Variants in ZNF600 observed in about 807,000 individuals in gnomAD.
ZNF600 encodes zinc finger protein 600, also known as zinc finger protein KR-ZNF1.
Under a neutral mutation model 7.3 loss-of-function variants are expected in ZNF600, and 4 were observed. That is an observed-to-expected ratio of 0.55 (90% CI 0.27 to 1.25). The LOEUF (loss-of-function observed/expected upper bound fraction) is 1.25, where lower values mean the gene tolerates loss of function less well. ZNF600 is among the 50% of genes most tolerant of loss of function. The pLI is 0.12. For synonymous variants in ZNF600, 290 were observed against 308.9 expected (o/e 0.94, Z 0.64); for missense variants, 911 against 922.1 (o/e 0.99, Z 0.16).
chr19:52,817,951 A>G, the ZNF600 span: 1 of 1,610,894 alleles, frequency 6.2e-7, no homozygotes, highest in Non-Finnish European at 8.5e-7. Context: ...CACCTGAGGA[A>G]GAGCCATCCC....
the ZNF600 span, among the ~76,000 whole-genome samples, chr19:52,830,577 G>C: frequency 6.6e-6 from 1 of 152,086 alleles, no homozygotes; most frequent in African/African-American, 2.4e-5. Flanking sequence ...GCTGACAGTG[G>C]TTCTGAAGCC....
At chr19:52,766,556 G>C in exon 4 of ZNF600, 2 of 1,612,886 alleles carry the variant, frequency 1.2e-6, no homozygotes, top group Non-Finnish European at 1.7e-6. Flanking sequence ...GTCTTACCAG[G>C]TGTGAATTCC....
the ZNF600 span, among the ~76,000 whole-genome samples, chr19:52,833,443 C>T: frequency 6.6e-6 from 1 of 152,140 alleles, no homozygotes; most frequent in African/African-American, 2.4e-5. Context: ...GTGAGTGAAC[C>T]TGTCAGGCAA....
chr19:52,816,852 T>TAATAATAAG, the ZNF600 span, among the ~76,000 whole-genome samples: 1 of 147,362 alleles, frequency 6.8e-6, no homozygotes, highest in Non-Finnish European at 1.5e-5. Context: ...ATAATAATAA[T>TAATAATAAG]AATAATAATA....
intron 3 of ZNF600, among the ~76,000 whole-genome samples, chr19:52,773,367 C>A (rs1454545957): frequency 1.3e-5 from 2 of 152,132 alleles, no homozygotes; most frequent in African/African-American, 4.8e-5. Context: ...AGTATGGTGG[C>A]CTGAGGTGAA....
intron 3 of ZNF600, among the ~76,000 whole-genome samples, chr19:52,774,001 T>A (rs1166233901): frequency 6.6e-6 from 1 of 151,914 alleles, no homozygotes; most frequent in East Asian, 2.0e-4. Flanking sequence ...TACAGGCGTG[T>A]GCCACTACAC....
At chr19:52,818,526 A>C in the ZNF600 span, among the ~76,000 whole-genome samples, 3 of 148,420 alleles carry the variant, frequency 2.0e-5, no homozygotes, top group African/African-American at 5.1e-5. Context: ...CAGCCTGGCC[A>C]ACATGGTGAA....
intron 3 of ZNF600, among the ~76,000 whole-genome samples, chr19:52,774,196 G>A (rs759842483): frequency 6.6e-6 from 1 of 151,874 alleles, no homozygotes; most frequent in Non-Finnish European, 1.5e-5. Context: ...TTGGGAGGCC[G>A]AGGTGGGTGG....
chr19:52,814,130 GAACTGACAGT>G, the ZNF600 span, among the ~76,000 whole-genome samples: 2 of 146,796 alleles, frequency 1.4e-5, no homozygotes, highest in East Asian at 4.0e-4. Context: ...ACCTGGCACA[GAACTGACAGT>G]AACGGCTCCC....
the ZNF600 span, among the ~76,000 whole-genome samples, chr19:52,825,690 C>A: frequency 6.6e-6 from 1 of 151,822 alleles, no homozygotes; most frequent in Admixed American, 6.6e-5. Flanking sequence ...AAAACAACAA[C>A]AAAAAAATCA....
At chr19:52,818,659 A>G in the ZNF600 span, among the ~76,000 whole-genome samples, 3 of 152,086 alleles carry the variant, frequency 2.0e-5, no homozygotes, top group African/African-American at 7.2e-5. Context: ...GTGACCCAAG[A>G]TCGCGCCACT....
chr19:52,803,461 C>A, the ZNF600 span, among the ~76,000 whole-genome samples: 2 of 152,062 alleles, frequency 1.3e-5, no homozygotes, highest in Non-Finnish European at 2.9e-5. Flanking sequence ...TCATAAAAAT[C>A]AATTAATCAA....
At chr19:52,778,573 C>CCCATGTTTAT (rs1236533291) in intron 2 of ZNF600, among the ~76,000 whole-genome samples, 3 of 152,138 alleles carry the variant, frequency 2.0e-5, no homozygotes, top group Non-Finnish European at 4.4e-5. Flanking sequence ...GGGCCCACAC[C>CCCATGTTTAT]CCATGTTTAT....
the ZNF600 span, among the ~76,000 whole-genome samples, chr19:52,827,814 G>C: frequency 1.3e-5 from 2 of 151,930 alleles, no homozygotes; most frequent in Non-Finnish European, 2.9e-5. Context: ...CAAAGTGCTG[G>C]GATAACAGGC....
At chr19:52,779,166 C>T (rs142979099) in intron 1 of ZNF600, among the ~76,000 whole-genome samples, 3,173 of 152,284 alleles carry the variant, frequency 0.021, 42 homozygotes, top group Non-Finnish European at 0.027. Context: ...ACTGATCTCC[C>T]CTTCAGGGCA....
the ZNF600 span, chr19:52,817,811 G>T: frequency 6.5e-7 from 1 of 1,548,610 alleles, no homozygotes; most frequent in Non-Finnish European, 8.8e-7. Flanking sequence ...GAGATGAACT[G>T]AAGGAAGGCA....
chr19:52,781,780 C>T (rs1443137934), intron 1 of ZNF600, among the ~76,000 whole-genome samples: 25 of 149,514 alleles, frequency 1.7e-4, no homozygotes, highest in Non-Finnish European at 8.9e-5. Flanking sequence ...AAAAAAACAG[C>T]GGTCAGGCAA....
the ZNF600 span, among the ~76,000 whole-genome samples, chr19:52,794,227 C>T: frequency 3.9e-3 from 596 of 152,242 alleles, 6 homozygotes; most frequent in African/African-American, 0.013. Flanking sequence ...AGTCTAATCC[C>T]GTTTTTCCAT....
chr19:52,822,074 C>CTTTTTTTTTTTTTTTTTTTTTTT, the ZNF600 span, among the ~76,000 whole-genome samples: 5 of 78,694 alleles, frequency 6.4e-5, no homozygotes, highest in Admixed American at 1.6e-4. Flanking sequence ...TTCTTTTTCC[C>CTTTTTTTTTTTTTTTTTTTTTTT]TTTTTTTTTT....
Sources: gnomAD v4.1 joint callset for allele counts (sites outside exome capture counted in the v4.1 genomes callset) on GRCh38, gnomAD v4.1.1 for gene constraint, MANE v1.5 for transcripts, NCBI Gene and HGNC (gene_info 2026-07-23, HGNC 2026-07-21) for gene names.